FMNL2: variants seen among roughly 807,000 people sequenced by gnomAD.
The protein encoded by FMNL2 is formin like 2.
A neutral mutation model predicts 130.2 loss-of-function variants in FMNL2; 51 were observed. The ratio of observed to expected loss-of-function variants is 0.39; its 90% confidence interval spans 0.31 to 0.49. The LOEUF (loss-of-function observed/expected upper bound fraction) is 0.49, where lower values mean the gene tolerates loss of function less well. Ranked by LOEUF, FMNL2 falls within the 20% of genes least tolerant of loss-of-function variation. The probability of loss-of-function intolerance (pLI) is 0.85; values close to 1 mark genes in which losing one functional copy is unlikely to be tolerated. For missense variants in FMNL2, 977 were observed against 1,316.2 expected (o/e 0.74, Z 3.99); for synonymous variants, 465 against 467.1 (o/e 1.00, Z 0.06).
intron 13 of FMNL2, 126 bp from the exon 14 acceptor site, chr2:152,618,720 T>A (rs1699078214): frequency 2.6e-6 from 2 of 780,606 alleles, no homozygotes; most frequent in South Asian, 4.4e-5. Context: ...AGGTTCTAGC[T>A]GAATTCCAAA....
At chr2:152,635,223 G>C (rs1682491975) in intron 21 of FMNL2, among the ~76,000 whole-genome samples, 1 of 152,174 alleles carries the variant, frequency 6.6e-6, no homozygotes, top group African/African-American at 2.4e-5. Flanking sequence ...AGCTTCTTGT[G>C]TGGTTCCAAG....
At chr2:152,605,744 G>A (rs1698326785) in intron 9 of FMNL2, among the ~76,000 whole-genome samples, 1 of 152,214 alleles carries the variant, frequency 6.6e-6, no homozygotes, top group African/African-American at 2.4e-5. Context: ...TGAAAATGCA[G>A]TAAATGGTGG....
At chr2:152,636,959 T>C (rs1682665982) in intron 22 of FMNL2, among the ~76,000 whole-genome samples, 1 of 152,072 alleles carries the variant, frequency 6.6e-6, no homozygotes, top group South Asian at 2.1e-4. Flanking sequence ...AATCTTACAC[T>C]ATACTGGGGG....
chr2:152,385,990 G>T (rs1258882513), intron 1 of FMNL2, among the ~76,000 whole-genome samples: 1 of 152,058 alleles, frequency 6.6e-6, no homozygotes, highest in Non-Finnish European at 1.5e-5. Context: ...AGTCTAAGAG[G>T]GATATACTCA....
chr2:152,353,715 G>A (rs561411031), intron 1 of FMNL2, among the ~76,000 whole-genome samples: 54 of 152,310 alleles, frequency 3.5e-4, no homozygotes, highest in African/African-American at 1.2e-3. Flanking sequence ...CAGTCAAGTT[G>A]TGGCAGTCAG....
At chr2:152,436,405 G>T (rs1687766390) in intron 1 of FMNL2, among the ~76,000 whole-genome samples, 1 of 151,974 alleles carries the variant, frequency 6.6e-6, no homozygotes, top group Admixed American at 6.6e-5. Flanking sequence ...AGCCTCCCAA[G>T]GTGCTGGAAT....
rs73968077 is a variant in FMNL2, at chr2:152,558,700, T to C, written c.360-40T>C. Reference sequence around the variant, plus strand: ...GTCCGTTCCATGGCAGGTCATGTGATCAATTTCTCCAATGATTTTTTTTTT... The same window carrying C: ...GTCCGTTCCATGGCAGGTCATGTGACCAATTTCTCCAATGATTTTTTTTTT... On this transcript the variant is annotated intron_variant, in intron 4 of 25. Transcript: ENST00000288670. 553 of 1,552,022 alleles carry C rather than the reference T, an allele frequency of 3.6e-4. 3 individuals carry two copies. In the African/African-American group the frequency reaches 7.2e-3, roughly 20 times the overall value.
chr2:152,500,619 C>T (rs780222277), intron 1 of FMNL2, among the ~76,000 whole-genome samples: 2 of 152,124 alleles, frequency 1.3e-5, no homozygotes, highest in Non-Finnish European at 2.9e-5. Flanking sequence ...AGGTCGAGGT[C>T]GGTGGATCAC....
chr2:152,455,275 A>G (rs1191182365), intron 1 of FMNL2, among the ~76,000 whole-genome samples: 2 of 152,228 alleles, frequency 1.3e-5, no homozygotes, highest in Non-Finnish European at 2.9e-5. Flanking sequence ...GCTACTTAAA[A>G]GGCAAGAGGA....
chr2:152,475,577 C>T (rs1690104532), intron 1 of FMNL2, among the ~76,000 whole-genome samples: 1 of 149,592 alleles, frequency 6.7e-6, no homozygotes, highest in East Asian at 2.0e-4. Context: ...TCACTGCAAC[C>T]TCCACCTCCC....
chr2:152,503,346 TCCTGA>T (rs1406234201), intron 1 of FMNL2, among the ~76,000 whole-genome samples: 2 of 152,134 alleles, frequency 1.3e-5, no homozygotes, highest in Non-Finnish European at 2.9e-5. Flanking sequence ...GTTAAAGTGA[TCCTGA>T]CCTATTATAG....
rs141816830 is a variant in FMNL2 at position 152,644,382 on chromosome 2, T to C, written c.3170-3414T>C. ...AAGTGCTCTAAAGTGCAAAATGACT[T>C]GCAGAAGGAACTGTGAACTATGCAC... On this transcript the variant is annotated intron_variant, in intron 25 of 25. Coordinates refer to ENST00000288670, the MANE Select transcript of FMNL2 (RefSeq NM_052905.4). 7.9e-5 allele frequency among the ~76,000 whole-genome samples: 12 copies of C among 152,306 alleles called. No homozygotes were observed. The East Asian group carries it at 2.3e-3, about 29-fold the overall frequency.
At position 152,342,266 on chromosome 2, in the gene FMNL2, T is replaced by C. The variant is rs182765867; in HGVS notation, c.117+6546T>C. ...AAGCAAGTAATAGATGTCAAAAAAG[T>C]AGCTAATACAAGAAGCACTGATTAT... On this transcript the variant is annotated intron_variant, in intron 1 of 25. Transcript: ENST00000288670. Among the ~76,000 whole-genome samples the C allele has an allele frequency of 1.8e-3, 277 of 152,326 alleles. 1 individual carries two copies. The highest frequency in any genetic ancestry group is 6.4e-3 in the African/African-American group (266 of 41,576).
At chr2:152,590,980 C>CTTTTTTTTTTTTTTTTTTTTTTTT (rs1158391663) in intron 9 of FMNL2, among the ~76,000 whole-genome samples, 4 of 65,744 alleles carry the variant, frequency 6.1e-5, no homozygotes, top group Admixed American at 2.2e-4. Flanking sequence ...CCTCTGATAA[C>CTTTTTTTTTTTTTTTTTTTTTTTT]TTTTTTTTTT....
chr2:152,538,675 G>A (rs114154094), intron 2 of FMNL2, among the ~76,000 whole-genome samples: 7 of 152,202 alleles, frequency 4.6e-5, no homozygotes, highest in African/African-American at 1.7e-4. Context: ...AAGAAAACTC[G>A]GCCTACATCC....
intron 1 of FMNL2, among the ~76,000 whole-genome samples, chr2:152,448,645 G>C (rs955651278): frequency 6.6e-6 from 1 of 152,200 alleles, no homozygotes; most frequent in African/African-American, 2.4e-5. Context: ...TCTGAAACCA[G>C]ATGCACTCAT....
At chr2:152,589,987 A>ATGTATATGTATATGTATATGTATATG (rs1553482701) in intron 9 of FMNL2, among the ~76,000 whole-genome samples, 2 of 55,238 alleles carry the variant, frequency 3.6e-5, no homozygotes, top group East Asian at 1.4e-3. Flanking sequence ...ATATATATGT[A>ATGTATATGTATATGTATATGTATATG]TATGTATATG....
At chr2:152,595,534 G>A (rs1389341292) in intron 9 of FMNL2, among the ~76,000 whole-genome samples, 1 of 152,120 alleles carries the variant, frequency 6.6e-6, no homozygotes, top group Non-Finnish European at 1.5e-5. Flanking sequence ...GGCCAGGCTG[G>A]TCTCGAACTC....
At chr2:152,346,690 T>A (rs986643488) in intron 1 of FMNL2, among the ~76,000 whole-genome samples, 1 of 152,096 alleles carries the variant, frequency 6.6e-6, no homozygotes, top group Non-Finnish European at 1.5e-5. Flanking sequence ...ACGATTGATT[T>A]CCTCTGATGT....
Sources: gnomAD v4.1 joint callset for allele counts (sites outside exome capture counted in the v4.1 genomes callset) on GRCh38, gnomAD v4.1.1 for gene constraint, MANE v1.5 for transcripts, NCBI Gene and HGNC (gene_info 2026-07-23, HGNC 2026-07-21) for gene names.